The following PHACTR3 variants were observed in gnomAD, a reference collection of about 807,000 sequenced individuals.
PHACTR3 encodes protein phosphatase 1, regulatory subunit 123.
PHACTR3 carries 16 observed loss-of-function variants against 66.8 expected under a neutral mutation model. That is an observed-to-expected ratio of 0.24 (90% CI 0.16 to 0.36). The LOEUF (loss-of-function observed/expected upper bound fraction) is 0.36, where lower values mean the gene tolerates loss of function less well. Among genes scored for constraint, PHACTR3 ranks in the 10% least tolerant of loss-of-function variants. PHACTR3 has a pLI of 1.00. For missense variants in PHACTR3, 647 were observed against 719.9 expected, an observed-to-expected ratio of 0.90 and a Z score of 1.16; for synonymous variants, 323 against 292.1, an observed-to-expected ratio of 1.11 and a Z score of -1.08.
At chr20:59,615,024 G>A (rs1251459803) in intron 1 of PHACTR3, among the ~76,000 whole-genome samples, 1 of 152,084 alleles carries the variant, frequency 6.6e-6, no homozygotes, top group Non-Finnish European at 1.5e-5. Context: ...GTTTTTCGGG[G>A]ATCTGCCTGG....
chr20:59,799,174 T>C (rs1355177340), intron 7 of PHACTR3, among the ~76,000 whole-genome samples: 1 of 109,920 alleles, frequency 9.1e-6, no homozygotes, highest in East Asian at 2.7e-4. Context: ...TCCTTTGGCA[T>C]TTATTGAAGC....
intron 4 of PHACTR3, among the ~76,000 whole-genome samples, chr20:59,757,781 A>G (rs2039855602): frequency 6.6e-6 from 1 of 152,176 alleles, no homozygotes. Context: ...GCATGACGCC[A>G]TCTCTACAAA....
At chr20:59,734,519 A>G (rs2038877399) in intron 1 of PHACTR3, among the ~76,000 whole-genome samples, 1 of 152,112 alleles carries the variant, frequency 6.6e-6, no homozygotes, top group African/African-American at 2.4e-5. Context: ...TGGCTTCCCA[A>G]GCCACTGAGC....
intron 2 of PHACTR3, among the ~76,000 whole-genome samples, chr20:59,746,246 T>C (rs2039365877): frequency 6.6e-6 from 1 of 151,920 alleles, no homozygotes; most frequent in Non-Finnish European, 1.5e-5. Flanking sequence ...ACCCGGGAGG[T>C]CAAGGATGGG....
chr20:59,822,401 C>T (rs2042073602), intron 8 of PHACTR3, among the ~76,000 whole-genome samples: 1 of 150,150 alleles, frequency 6.7e-6, no homozygotes, highest in Non-Finnish European at 1.5e-5. Context: ...GGCTGCCTTC[C>T]GAAGCTTCCA....
At chr20:59,623,031 T>C (rs1048270890) in intron 1 of PHACTR3, among the ~76,000 whole-genome samples, 4 of 96,218 alleles carry the variant, frequency 4.2e-5, no homozygotes, top group African/African-American at 1.7e-4. Flanking sequence ...CTCAGAACCA[T>C]GGTTCCTGTA....
At chr20:59,696,210 G>A (rs575876405) in intron 1 of PHACTR3, among the ~76,000 whole-genome samples, 1 of 152,304 alleles carries the variant, frequency 6.6e-6, no homozygotes, top group South Asian at 2.1e-4. Flanking sequence ...AAAATTAAAC[G>A]GAGGTCAAAG....
intron 5 of PHACTR3, among the ~76,000 whole-genome samples, chr20:59,772,324 A>G (rs2040387681): frequency 1.3e-5 from 2 of 152,152 alleles, no homozygotes; most frequent in African/African-American, 4.8e-5. Flanking sequence ...CATGTACACA[A>G]GTGTTTATTG....
chr20:59,655,689 T>C (rs2035597664), intron 1 of PHACTR3, among the ~76,000 whole-genome samples: 1 of 151,948 alleles, frequency 6.6e-6, no homozygotes, highest in Non-Finnish European at 1.5e-5. Flanking sequence ...TTCTGAATGT[T>C]CCAGGCTTAG....
At chr20:59,642,045 G>C (rs2035120778) in intron 1 of PHACTR3, among the ~76,000 whole-genome samples, 1 of 152,152 alleles carries the variant, frequency 6.6e-6, no homozygotes, top group African/African-American at 2.4e-5. Flanking sequence ...ATCTCTGTTG[G>C]AACTCCTGGG....
chr20:59,628,858 C>T (rs1568944376), intron 1 of PHACTR3: 2 of 966,972 alleles, frequency 2.1e-6, no homozygotes, highest in Non-Finnish European at 2.5e-6. Flanking sequence ...CAATTGTTCA[C>T]ACTTTCTAAA....
intron 4 of PHACTR3, among the ~76,000 whole-genome samples, chr20:59,757,591 C>G (rs1328239983): frequency 6.6e-6 from 1 of 152,108 alleles, no homozygotes; most frequent in Admixed American, 6.5e-5. Flanking sequence ...CCTCTGCCCC[C>G]TGGTAGCACA....
At chr20:59,696,902 A>T (rs1190804089) in intron 1 of PHACTR3, among the ~76,000 whole-genome samples, 1 of 152,194 alleles carries the variant, frequency 6.6e-6, no homozygotes, top group South Asian at 2.1e-4. Context: ...ACGCTTTCCT[A>T]TTGTGGAGGC....
intron 1 of PHACTR3, among the ~76,000 whole-genome samples, chr20:59,681,091 G>A (rs1568704910): frequency 2.0e-5 from 3 of 152,182 alleles, no homozygotes. Context: ...AGTTTTATTA[G>A]AACACACTCA....
intron 1 of PHACTR3, among the ~76,000 whole-genome samples, chr20:59,640,097 C>T (rs147894494): frequency 1.3e-5 from 2 of 152,334 alleles, no homozygotes; most frequent in Non-Finnish European, 2.9e-5. Flanking sequence ...GGTTGATGAG[C>T]TGTGATCTGG....
intron 1 of PHACTR3, among the ~76,000 whole-genome samples, chr20:59,701,112 G>A (rs1206828059): frequency 6.6e-6 from 1 of 152,090 alleles, no homozygotes; most frequent in Non-Finnish European, 1.5e-5. Context: ...TTTATAACAG[G>A]AATGTCCAAG....
chr20:59,693,972 C>T (rs2146588966), intron 1 of PHACTR3, among the ~76,000 whole-genome samples: 1 of 152,330 alleles, frequency 6.6e-6, no homozygotes, highest in Admixed American at 6.5e-5. Flanking sequence ...AGGGGGCACA[C>T]ATCTTCTCTT....
chr20:59,773,373 C>T lies in PHACTR3; in HGVS notation c.846C>T (p.Thr282=), dbSNP rs760292652. ...LSTPTGSPHL[T]TVHRPLPPSR... ...CACCCACGGGGTCTCCGCATCTCAC[C>T]ACGGTCCACCGGCCTCTTCCCCCAA... The change falls in exon 6 of 13, where the codon ACC becomes ACT. Residue 282 remains threonine, a synonymous_variant. Coordinates refer to ENST00000371015, the MANE Select transcript of PHACTR3 (RefSeq NM_080672.5). The T allele has an allele frequency of 3.1e-6, 5 of 1,614,070 alleles. No individual in the cohort carries two copies. The Admixed American group carries it at 8.3e-5, about 27-fold the overall frequency.
intron 7 of PHACTR3, among the ~76,000 whole-genome samples, chr20:59,783,970 A>C (rs1297349543): frequency 6.6e-6 from 1 of 152,220 alleles, no homozygotes; most frequent in Admixed American, 6.5e-5. Context: ...AGGCTCCGCA[A>C]GGGTGAAGGT....
Sources: allele counts gnomAD v4.1 joint callset (sites outside exome capture counted in the v4.1 genomes callset), GRCh38; gene constraint gnomAD v4.1.1; transcripts MANE v1.5; gene names NCBI Gene and HGNC (gene_info 2026-07-23, HGNC 2026-07-21).